The following CDRT4 variants were observed in gnomAD, a reference collection of about 807,000 sequenced individuals.
CDRT4 encodes CMT1A duplicated region transcript 4, also known as CMT1A duplicated region transcript 4 protein.
For missense variants in CDRT4, 167 were observed against 193.1 expected (o/e 0.87, Z 0.80); for synonymous variants, 64 against 69.6 (o/e 0.92, Z 0.40).
chr17:15,461,216 T>C (rs1160382817), intron 1 of CDRT4, among the ~76,000 whole-genome samples: 1 of 152,228 alleles, frequency 6.6e-6, no homozygotes, highest in African/African-American at 2.4e-5. Flanking sequence ...AGGAAGGAAC[T>C]GTTCTGTCTT....
intron 1 of CDRT4, among the ~76,000 whole-genome samples, chr17:15,466,344 G>A (rs544449916): frequency 6.0e-4 from 92 of 152,280 alleles, no homozygotes; most frequent in African/African-American, 2.2e-3. Context: ...GAGCCTGGGC[G>A]CTGGGCCAGC....
chr17:15,453,969 C>T (rs1979376405), intron 1 of CDRT4, among the ~76,000 whole-genome samples: 1 of 152,192 alleles, frequency 6.6e-6, no homozygotes, highest in Non-Finnish European at 1.5e-5. Flanking sequence ...AGCCTATTGG[C>T]TGGACTGTTA....
At chr17:15,465,190 AC>A (rs1213084203) in intron 1 of CDRT4, among the ~76,000 whole-genome samples, 2 of 133,320 alleles carry the variant, frequency 1.5e-5, no homozygotes, top group African/African-American at 6.3e-5. Context: ...CAACACACAT[AC>A]CAACACAGAC....
chr17:15,438,958 G>A (rs1274538563), intron 3 of CDRT4, among the ~76,000 whole-genome samples: 1 of 152,148 alleles, frequency 6.6e-6, no homozygotes, highest in Non-Finnish European at 1.5e-5. Flanking sequence ...TTTCACTATG[G>A]TTGCTGGCCA....
intron 3 of CDRT4, among the ~76,000 whole-genome samples, chr17:15,439,400 GC>G (rs751566885): frequency 1.3e-5 from 2 of 152,200 alleles, no homozygotes; most frequent in Non-Finnish European, 2.9e-5. Flanking sequence ...TAAAGAATGT[GC>G]TGTAGAAGGA....
chr17:15,458,658 C>T (rs1349943071), intron 1 of CDRT4, among the ~76,000 whole-genome samples: 1 of 152,170 alleles, frequency 6.6e-6, no homozygotes, highest in Non-Finnish European at 1.5e-5. Context: ...TTCACCCATT[C>T]CTGAACCCTG....
Position 15,464,686 on chromosome 17 carries a change from G to A in CDRT4, c.-130+2774C>T, listed in dbSNP as rs369667057. Among the ~76,000 whole-genome samples the A allele has an allele frequency of 9.2e-5, 14 of 151,908 alleles. No individual in the cohort carries two copies. Among genetic ancestry groups the A allele is most frequent in the African/African-American group, 3.4e-4 (14 of 41,324 alleles). The stretch of plus-strand genomic sequence containing the variant: ...CCTTCCCCTTCTGCTTTCAAACCTT[G>A]CCAAGTCTCCCCTCCTCTAAACAAT... On this transcript the variant is annotated intron_variant, in intron 1 of 3. Transcript: ENST00000619038. The surrounding 1 kb of genome is among the most constrained non-coding windows in gnomAD (Gnocchi z 4.5).
At chr17:15,449,496 C>T (rs1979171104) in intron 2 of CDRT4, among the ~76,000 whole-genome samples, 1 of 152,240 alleles carries the variant, frequency 6.6e-6, no homozygotes, top group Non-Finnish European at 1.5e-5. Context: ...GGTAGTCCAA[C>T]CAACACTTCT....
chr17:15,466,403 A>G (rs1980044982), intron 1 of CDRT4, among the ~76,000 whole-genome samples: 1 of 151,960 alleles, frequency 6.6e-6, no homozygotes, highest in South Asian at 2.1e-4. Context: ...TGCAGAAACG[A>G]GTCTCTTCTG....
At chr17:15,465,009 CA>C (rs1979935343) in intron 1 of CDRT4, among the ~76,000 whole-genome samples, 1 of 149,430 alleles carries the variant, frequency 6.7e-6, no homozygotes, top group Non-Finnish European at 1.5e-5. Context: ...TACAGACACA[CA>C]CAACACAGAC....
In CDRT4 at chr17:15,437,716, T is replaced by G. The variant is rs1232768338; in HGVS notation, c.*57A>C. ...AATGGAGCTTAACTTTTGTACGTTCTTGGGGAATGGCTGCAGGGACCCCTG... is the reference window on the plus strand; with the variant it reads ...AATGGAGCTTAACTTTTGTACGTTCGTGGGGAATGGCTGCAGGGACCCCTG... On this transcript the variant is annotated 3_prime_UTR_variant, in exon 4 of 4. Transcript: ENST00000619038. 5 of 1,551,026 alleles carry G rather than the reference T, an allele frequency of 3.2e-6. No individual in the cohort carries two copies. The highest frequency in any genetic ancestry group is 2.7e-5 in the African/African-American group (2 of 73,412).
chr17:15,449,180 T>C (rs1979157292), intron 2 of CDRT4, among the ~76,000 whole-genome samples: 1 of 152,242 alleles, frequency 6.6e-6, no homozygotes, highest in South Asian at 2.1e-4. Flanking sequence ...ACTGTGCCGA[T>C]TGGTCCCACG....
At position 15,438,078 on chromosome 17, in the gene CDRT4, G is replaced by C. The variant is rs780074786; in HGVS notation, c.154C>G (p.Leu52Val). The C allele has an allele frequency of 6.2e-7, 1 of 1,614,060 alleles. No homozygotes were observed. The highest frequency in any genetic ancestry group is 1.3e-5 in the African/African-American group (1 of 74,916). ...TCCTCGAGGGCACGCATGCATTCCA[G>C]TTCTCTAGTTTTGCTTTTCTCAATG... ...RLIEKSKTRE[L>V]ECMRALEERP... The change falls in exon 4 of 4, where the codon CTG becomes GTG. Residue 52 changes from leucine to valine, a missense_variant. Physicochemically the swap from Leu to Val is conservative, Grantham distance 32. Transcript: ENST00000619038.
chr17:15,447,831 T>C (rs1003039007), intron 2 of CDRT4, among the ~76,000 whole-genome samples: 2 of 152,108 alleles, frequency 1.3e-5, no homozygotes, highest in African/African-American at 2.4e-5. Flanking sequence ...TTTTCTTCCA[T>C]GGACATTTTT....
chr17:15,441,328 G>A (rs1348252033), intron 2 of CDRT4, among the ~76,000 whole-genome samples: 1 of 152,158 alleles, frequency 6.6e-6, no homozygotes, highest in Non-Finnish European at 1.5e-5. Context: ...TGCAACCACA[G>A]ACACCCAGGT....
At chr17:15,444,441 C>A (rs1458227899) in intron 2 of CDRT4, among the ~76,000 whole-genome samples, 3 of 152,140 alleles carry the variant, frequency 2.0e-5, no homozygotes, top group African/African-American at 4.8e-5. Flanking sequence ...AGTACAGGCA[C>A]TGGAATTAAA....
At chr17:15,444,407 C>A (rs1978920978) in intron 2 of CDRT4, among the ~76,000 whole-genome samples, 1 of 152,098 alleles carries the variant, frequency 6.6e-6, no homozygotes, top group Non-Finnish European at 1.5e-5. Flanking sequence ...CTCCCAACAT[C>A]GTGATTTGAT....
intron 1 of CDRT4, among the ~76,000 whole-genome samples, chr17:15,462,073 A>G (rs552606744): frequency 2.5e-3 from 387 of 152,270 alleles, no homozygotes; most frequent in African/African-American, 9.1e-3. Context: ...CAGCACACTT[A>G]GGGAACTGCA....
intron 1 of CDRT4, among the ~76,000 whole-genome samples, chr17:15,453,860 G>A (rs976418174): frequency 2.6e-5 from 4 of 152,144 alleles, no homozygotes; most frequent in Admixed American, 2.0e-4. Flanking sequence ...GTAAAACAGA[G>A]GCAGTAAGAG....
Sources: gnomAD v4.1 joint callset for allele counts (sites outside exome capture counted in the v4.1 genomes callset) on GRCh38, gnomAD v4.1.1 for gene constraint, Gnocchi (gnomAD v3.1) non-coding constraint, MANE v1.5 for transcripts, NCBI Gene and HGNC (gene_info 2026-07-23, HGNC 2026-07-21) for gene names.